The following STIM1 variants were observed in gnomAD, a reference collection of about 807,000 sequenced individuals.
STIM1 encodes the protein stromal interaction molecule 1.
A neutral mutation model predicts 74.7 loss-of-function variants in STIM1; 25 were observed. The observed-to-expected ratio is 0.33, with a 90% CI of 0.24 to 0.47. The LOEUF (loss-of-function observed/expected upper bound fraction) is 0.47, where lower values mean the gene tolerates loss of function less well. STIM1 is among the 20% of genes least tolerant of loss of function. The pLI is 1.00. For missense variants in STIM1, 728 were observed against 920.8 expected (o/e 0.79, Z 2.71); for synonymous variants, 328 against 348.8 (o/e 0.94, Z 0.66).
chr11:3,946,634 T>G (rs546557396), intron 1 of STIM1, among the ~76,000 whole-genome samples: 19 of 152,212 alleles, frequency 1.2e-4, no homozygotes, highest in Non-Finnish European at 2.1e-4. Flanking sequence ...AGAAGCATTT[T>G]AATTTTGGCT....
chr11:3,891,254 T>C (rs1024852238), intron 1 of STIM1, among the ~76,000 whole-genome samples: 1 of 151,728 alleles, frequency 6.6e-6, no homozygotes, highest in East Asian at 1.9e-4. Flanking sequence ...TTCCAAACTC[T>C]ATTTTTTTTA....
chr11:4,013,112 T>C (rs1468194404), intron 2 of STIM1, among the ~76,000 whole-genome samples: 1 of 152,252 alleles, frequency 6.6e-6, no homozygotes, highest in African/African-American at 2.4e-5. Context: ...GATGTGCTGC[T>C]GTATTCGGTG....
At chr11:3,871,427 G>A (rs1326244405) in intron 1 of STIM1, among the ~76,000 whole-genome samples, 3 of 152,126 alleles carry the variant, frequency 2.0e-5, no homozygotes, top group Non-Finnish European at 2.9e-5. Flanking sequence ...TCTTCTCAGA[G>A]GGGAAGTCAG....
At chr11:3,950,441 T>G (rs2093133056) in intron 1 of STIM1, among the ~76,000 whole-genome samples, 1 of 151,722 alleles carries the variant, frequency 6.6e-6, no homozygotes, top group African/African-American at 2.4e-5. Context: ...TGGGCATTCC[T>G]TTTTATTGCT....
In STIM1 at chr11:4,047,160, C is replaced by T. The variant is rs75606214; in HGVS notation, c.386-8366C>T. Among the ~76,000 whole-genome samples, 1,344 of 152,206 alleles carry T rather than the reference C, an allele frequency of 8.8e-3. 23 individuals are homozygous for T. Among genetic ancestry groups the T allele is most frequent in the African/African-American group, 0.031 (1,277 of 41,516 alleles). ...GAGCAAAAATGAACAGGACACATTC[C>T]GTGCCTTCAATGTTTTCTGCCTATT... On this transcript the variant is annotated intron_variant, in intron 3 of 12. Coordinates refer to ENST00000526596, the MANE Select transcript of STIM1 (RefSeq NM_001382567.1).
At chr11:3,973,640 C>T (rs1031513720) in intron 2 of STIM1, among the ~76,000 whole-genome samples, 2 of 152,046 alleles carry the variant, frequency 1.3e-5, no homozygotes, top group Non-Finnish European at 2.9e-5. Context: ...GCAAGTGATC[C>T]CCTGCCTCGG....
At chr11:4,052,780 C>CT (rs1369289156) in intron 3 of STIM1, among the ~76,000 whole-genome samples, 1 of 152,156 alleles carries the variant, frequency 6.6e-6, no homozygotes, top group Non-Finnish European at 1.5e-5. Context: ...GCAGAAGAAA[C>CT]TACCATCAGA....
chr11:4,023,864 C>G lies in STIM1; in HGVS notation c.271-9C>G. On this transcript the variant is annotated splice_polypyrimidine_tract_variant and intron_variant, in intron 2 of 12. Transcript: ENST00000526596. ...TATCTCTTGTGACTTGTGTACTTTT[C>G]CCTTGCAGTTCCTGAGGGAAGACCT... The G allele has an allele frequency of 6.2e-7, 1 of 1,610,900 alleles. No homozygotes were observed. Among genetic ancestry groups the G allele is most frequent in the African/African-American group, 1.3e-5 (1 of 74,954 alleles).
At chr11:3,857,228 T>G (rs556432074) in intron 1 of STIM1, among the ~76,000 whole-genome samples, 23 of 151,524 alleles carry the variant, frequency 1.5e-4, no homozygotes, top group African/African-American at 4.4e-4. Flanking sequence ...GGTATACTTT[T>G]GCAGTAGAAA....
chr11:4,013,011 A>G (rs567016810), intron 2 of STIM1, among the ~76,000 whole-genome samples: 1 of 152,182 alleles, frequency 6.6e-6, no homozygotes, highest in Non-Finnish European at 1.5e-5. Context: ...GGTTCTGTTT[A>G]TGTGATGGAT....
intron 1 of STIM1, among the ~76,000 whole-genome samples, chr11:3,902,627 C>T (rs1172140501): frequency 6.6e-6 from 1 of 152,210 alleles, no homozygotes; most frequent in African/African-American, 2.4e-5. Flanking sequence ...CGCTTGCCTG[C>T]CGCTCACCTC....
intron 3 of STIM1, among the ~76,000 whole-genome samples, chr11:4,046,161 T>C (rs1303648031): frequency 2.9e-5 from 4 of 139,102 alleles, no homozygotes; most frequent in African/African-American, 1.0e-4. Context: ...GCCTCCTGGG[T>C]TCCAGTGATT....
chr11:3,892,631 T>A (rs10458895), intron 1 of STIM1: 5 of 1,606,118 alleles, frequency 3.1e-6, no homozygotes, highest in East Asian at 2.2e-5. Flanking sequence ...GATGAAGTTC[T>A]CATCATCAAA....
chr11:4,001,420 G>C (rs867760218), intron 2 of STIM1, among the ~76,000 whole-genome samples: 35 of 152,116 alleles, frequency 2.3e-4, no homozygotes, highest in African/African-American at 8.5e-4. Flanking sequence ...GAAGAGAGTG[G>C]GGACCAATAT....
chr11:3,886,687 CAAAAA>C lies in STIM1; in HGVS notation c.139+30298_139+30302del, dbSNP rs199847545. On this transcript the variant is annotated intron_variant, in intron 1 of 12. Transcript: ENST00000526596. ...TGGGTGACAGAGCGAGACTCTGTGT[CAAAAA>C]AAAAAAAAAAAAAAAAAAAGGTCTT... 3.8e-3 allele frequency among the ~76,000 whole-genome samples: 335 copies of C among 87,928 alleles called. 5 individuals are homozygous for C. The highest frequency in any genetic ancestry group is 0.018 in the African/African-American group (318 of 17,994). 57.7% of individuals were successfully genotyped at this position (87,928 alleles called of 152,430 possible). A position where few individuals can be genotyped will look rare whatever the true frequency, so the allele number is the denominator to read the frequency against.
chr11:3,985,297 A>G (rs1460412850), intron 2 of STIM1, among the ~76,000 whole-genome samples: 1 of 152,158 alleles, frequency 6.6e-6, no homozygotes, highest in Non-Finnish European at 1.5e-5. Flanking sequence ...TTGTTTGTAT[A>G]GATGTCTATA....
intron 2 of STIM1, among the ~76,000 whole-genome samples, chr11:3,993,778 A>G (rs1018367794): frequency 6.6e-6 from 1 of 152,230 alleles, no homozygotes; most frequent in Non-Finnish European, 1.5e-5. Flanking sequence ...CCTCTACTCC[A>G]TTCCTGGCAC....
intron 1 of STIM1, among the ~76,000 whole-genome samples, chr11:3,964,746 G>T (rs1190678038): frequency 6.7e-6 from 1 of 149,196 alleles, no homozygotes; most frequent in Non-Finnish European, 1.5e-5. Flanking sequence ...TTTTTTTGAG[G>T]CAGGGTCTCG....
intron 1 of STIM1, among the ~76,000 whole-genome samples, chr11:3,917,374 T>C (rs76282968): frequency 6.6e-6 from 1 of 152,180 alleles, no homozygotes; most frequent in East Asian, 1.9e-4. Flanking sequence ...GACTCGTCAC[T>C]TCTCTCTGAA....
Sources: gnomAD v4.1 joint callset for allele counts (sites outside exome capture counted in the v4.1 genomes callset) on GRCh38, gnomAD v4.1.1 for gene constraint, MANE v1.5 for transcripts, NCBI Gene and HGNC (gene_info 2026-07-23, HGNC 2026-07-21) for gene names.